The following CACNA1D variants were observed in gnomAD, a reference collection of about 807,000 sequenced individuals.
The protein encoded by CACNA1D is calcium voltage-gated channel subunit alpha1 D.
Under a neutral mutation model 257.1 loss-of-function variants are expected in CACNA1D, and 55 were observed. The ratio of observed to expected loss-of-function variants is 0.21; its 90% CI spans 0.17 to 0.27. The LOEUF (loss-of-function observed/expected upper bound fraction) is 0.27. CACNA1D is among the 10% of genes least tolerant of loss of function. CACNA1D has a pLI of 1.00. For missense variants in CACNA1D, 1,876 were observed against 2,784.0 expected (o/e 0.67, Z 7.34); for synonymous variants, 980 against 1,014.9 (o/e 0.97, Z 0.65).
chr3:53,538,141 GTTTTTTTTTT>G lies in CACNA1D; in HGVS notation c.483+36438_483+36447del, dbSNP rs538996336. Among the ~76,000 whole-genome samples the G allele has an allele frequency of 2.2e-3, 199 of 90,468 alleles. 1 individual carries two copies. The highest frequency in any genetic ancestry group is 5.1e-3 in the Admixed American group (45 of 8,864). 59.4% of individuals were successfully genotyped at this position (90,468 alleles called of 152,430 possible). On this transcript the variant is annotated intron_variant, in intron 3 of 47. Coordinates refer to ENST00000350061, the MANE Select transcript of CACNA1D (RefSeq NM_001128840.3). Reference sequence around the variant, plus strand: ...TTCTCCATATTTACCAGTTTTTGAAGTTTTTTTTTTTTTTTTTTTTTTTTTTGACAGAGTC... The same window carrying G: ...TTCTCCATATTTACCAGTTTTTGAAGTTTTTTTTTTTTTTTTGACAGAGTC...
intron 3 of CACNA1D, among the ~76,000 whole-genome samples, chr3:53,615,740 T>C (rs1424472945): frequency 6.6e-6 from 1 of 152,230 alleles, no homozygotes; most frequent in Non-Finnish European, 1.5e-5. Context: ...ATATGCTGCA[T>C]TCTATGAAAC....
At chr3:53,666,959 C>T (rs1308330442) in intron 7 of CACNA1D, among the ~76,000 whole-genome samples, 4 of 152,064 alleles carry the variant, frequency 2.6e-5, no homozygotes, top group Non-Finnish European at 5.9e-5. Flanking sequence ...TCTACTAGAT[C>T]CTAAAGGGAA....
At chr3:53,573,958 G>C (rs1035513889) in intron 3 of CACNA1D, among the ~76,000 whole-genome samples, 4 of 152,232 alleles carry the variant, frequency 2.6e-5, no homozygotes, top group Admixed American at 2.0e-4. Flanking sequence ...AAGGAGTCGA[G>C]GAATAAGCAA....
intron 29 of CACNA1D, among the ~76,000 whole-genome samples, chr3:53,758,575 G>C (rs1481370700): frequency 6.6e-6 from 1 of 152,138 alleles, no homozygotes; most frequent in African/African-American, 2.4e-5. Context: ...GTGACAATAG[G>C]GTTCTTAGAC....
At chr3:53,654,315 A>G (rs1039052927) in intron 4 of CACNA1D, among the ~76,000 whole-genome samples, 1 of 152,224 alleles carries the variant, frequency 6.6e-6, no homozygotes, top group Non-Finnish European at 1.5e-5. Context: ...CCTCGTTTAA[A>G]AATTTCTTTA....
intron 40 of CACNA1D, chr3:53,790,963 C>G: frequency 1.4e-6 from 1 of 702,228 alleles, no homozygotes. Flanking sequence ...ATTTCACTGG[C>G]TGATTCGTTT....
At chr3:53,728,010 C>T (rs1233060487) in intron 15 of CACNA1D, among the ~76,000 whole-genome samples, 1 of 152,168 alleles carries the variant, frequency 6.6e-6, no homozygotes, top group African/African-American at 2.4e-5. Flanking sequence ...AAGGCCCCCT[C>T]CACAAGAGCC....
chr3:53,573,238 A>G (rs977172893), intron 3 of CACNA1D, among the ~76,000 whole-genome samples: 5 of 152,146 alleles, frequency 3.3e-5, no homozygotes, highest in South Asian at 2.1e-4. Flanking sequence ...CTCTGTGCCA[A>G]CTGCTGGCAG....
chr3:53,722,206 C>A, intron 11 of CACNA1D, 108 bp from the exon 12 acceptor site: 2 of 1,131,036 alleles, frequency 1.8e-6, no homozygotes, highest in Non-Finnish European at 2.6e-6. Context: ...GCACTCCCAC[C>A]CCAATCTAGA....
chr3:53,523,218 G>A (rs2091645129), intron 3 of CACNA1D, among the ~76,000 whole-genome samples: 1 of 152,230 alleles, frequency 6.6e-6, no homozygotes, highest in South Asian at 2.1e-4. Flanking sequence ...CTGAGACAGT[G>A]ACATGAGGGA....
Position 53,802,621 on chromosome 3 carries a change from T to G in CACNA1D, c.5435+448T>G, listed in dbSNP as rs564077660. 7.9e-5 allele frequency among the ~76,000 whole-genome samples: 12 copies of G among 152,348 alleles called. No homozygotes were observed. In the South Asian group the frequency reaches 2.5e-3, roughly 32 times the overall value. On this transcript the variant is annotated intron_variant, in intron 43 of 47. Transcript: ENST00000350061. The stretch of plus-strand genomic sequence containing the variant: ...AGCCCTCAAGATATGTGTAGTATAT[T>G]CCACTCCACATGTATTGACCTGAGT...
intron 3 of CACNA1D, among the ~76,000 whole-genome samples, chr3:53,572,094 G>A (rs2107692633): frequency 6.6e-6 from 1 of 152,250 alleles, no homozygotes; most frequent in Admixed American, 6.5e-5. Flanking sequence ...TTAATTTGTT[G>A]TGGACTGCCA....
At chr3:53,645,387 T>G (rs1371836851) in intron 3 of CACNA1D, among the ~76,000 whole-genome samples, 2 of 152,246 alleles carry the variant, frequency 1.3e-5, no homozygotes, top group African/African-American at 4.8e-5. Context: ...TCAAAAATCT[T>G]TGCCCTGTCT....
chr3:53,708,385 G>A (rs938828582), intron 9 of CACNA1D, among the ~76,000 whole-genome samples: 39 of 152,376 alleles, frequency 2.6e-4, no homozygotes, highest in Middle Eastern at 3.4e-3. Flanking sequence ...CACTGGAGAG[G>A]CAGCTGGAAG....
chr3:53,761,727 G>C (rs191098366), intron 29 of CACNA1D, among the ~76,000 whole-genome samples: 4 of 152,182 alleles, frequency 2.6e-5, no homozygotes, highest in Admixed American at 1.3e-4. Context: ...GCTTGGTTTG[G>C]TGCCACTCAG....
intron 8 of CACNA1D, among the ~76,000 whole-genome samples, chr3:53,700,739 AG>A (rs1234344895): frequency 6.6e-6 from 1 of 152,076 alleles, no homozygotes; most frequent in Non-Finnish European, 1.5e-5. Flanking sequence ...CCTTATTCAC[AG>A]GGGGTGGAGT....
At chr3:53,721,572 G>A (rs78066823) in intron 11 of CACNA1D, among the ~76,000 whole-genome samples, 2,061 of 152,312 alleles carry the variant, frequency 0.014, 55 homozygotes, top group African/African-American at 0.046. Context: ...ATCACAATCA[G>A]GAACTGAAGG....
intron 3 of CACNA1D, among the ~76,000 whole-genome samples, chr3:53,567,872 G>T (rs2092874533): frequency 6.6e-6 from 1 of 152,172 alleles, no homozygotes; most frequent in Admixed American, 6.5e-5. Context: ...TGCCAGTCTT[G>T]CAAGGCAGGC....
chr3:53,593,607 A>T (rs2093335053), intron 3 of CACNA1D, among the ~76,000 whole-genome samples: 1 of 152,140 alleles, frequency 6.6e-6, no homozygotes. Context: ...GGATTGTAAA[A>T]TTATCAGGAA....
Sources: gnomAD v4.1 joint callset for allele counts (sites outside exome capture counted in the v4.1 genomes callset) on GRCh38, gnomAD v4.1.1 for gene constraint, MANE v1.5 for transcripts, NCBI Gene and HGNC (gene_info 2026-07-23, HGNC 2026-07-21) for gene names.